The following SETBP1 variants were observed in gnomAD, a reference collection of about 807,000 sequenced individuals.
The protein encoded by SETBP1 is SET-binding protein.
SETBP1 carries 9 observed loss-of-function variants against 101.0 expected under a neutral mutation model. The observed-to-expected ratio is 0.09, with a 90% CI of 0.05 to 0.16. The LOEUF (loss-of-function observed/expected upper bound fraction) is 0.16. SETBP1 is among the 10% of genes least tolerant of loss of function. SETBP1 has a pLI of 1.00. For synonymous variants in SETBP1, 818 were observed against 788.5 expected, an observed-to-expected ratio of 1.04 and a Z score of -0.63; for missense variants, 1,858 against 2,033.8, an observed-to-expected ratio of 0.91 and a Z score of 1.66.
intron 5 of SETBP1, among the ~76,000 whole-genome samples, chr18:45,053,087 G>A (rs1198541954): frequency 6.6e-6 from 1 of 152,024 alleles, no homozygotes; most frequent in African/African-American, 2.4e-5. Flanking sequence ...GGAGTTAATT[G>A]AGCCTCCATT....
intron 5 of SETBP1, among the ~76,000 whole-genome samples, chr18:45,042,413 G>A (rs1436743640): frequency 6.6e-6 from 1 of 152,142 alleles, no homozygotes; most frequent in Non-Finnish European, 1.5e-5. Flanking sequence ...GCCTCCCAAA[G>A]TGCTAGGATT....
At chr18:44,858,662 CT>C (rs1179474133) in intron 2 of SETBP1, among the ~76,000 whole-genome samples, 2 of 152,070 alleles carry the variant, frequency 1.3e-5, no homozygotes, top group Non-Finnish European at 2.9e-5. Context: ...AGATAGTTGT[CT>C]TCCTTGAAGG....
intron 1 of SETBP1, among the ~76,000 whole-genome samples, chr18:44,681,699 C>G (rs922528818): frequency 2.6e-5 from 4 of 151,966 alleles, no homozygotes; most frequent in African/African-American, 9.7e-5. Flanking sequence ...TCTTATTGCC[C>G]CCTAATGCTG....
chr18:44,784,107 A>G (rs1246033180), intron 2 of SETBP1, among the ~76,000 whole-genome samples: 3 of 152,208 alleles, frequency 2.0e-5, no homozygotes, highest in Non-Finnish European at 4.4e-5. Flanking sequence ...TCTCTCTTGC[A>G]CTAAAAATTA....
chr18:44,852,503 C>G (rs1231094966), intron 2 of SETBP1, among the ~76,000 whole-genome samples: 1 of 152,172 alleles, frequency 6.6e-6, no homozygotes, highest in Non-Finnish European at 1.5e-5. Flanking sequence ...TTCCCCTCCT[C>G]TATGCCCCAT....
intron 4 of SETBP1, among the ~76,000 whole-genome samples, chr18:44,980,479 T>C (rs1253915499): frequency 6.6e-6 from 1 of 150,872 alleles, no homozygotes; most frequent in African/African-American, 2.5e-5. Flanking sequence ...CACATTCTTC[T>C]GCTTTAAAAA....
intron 3 of SETBP1, among the ~76,000 whole-genome samples, chr18:44,918,084 G>A (rs935027182): frequency 6.6e-6 from 1 of 152,118 alleles, no homozygotes; most frequent in Non-Finnish European, 1.5e-5. Context: ...AATCCTTCCC[G>A]GTGCTGCCGA....
chr18:44,754,426 A>G (rs2144552561), intron 2 of SETBP1, among the ~76,000 whole-genome samples: 1 of 152,298 alleles, frequency 6.6e-6, no homozygotes, highest in South Asian at 2.1e-4. Flanking sequence ...TGTGGAGATT[A>G]TTTCAAATTT....
intron 2 of SETBP1, among the ~76,000 whole-genome samples, chr18:44,704,187 C>T (rs368255948): frequency 1.2e-4 from 19 of 152,204 alleles, no homozygotes; most frequent in East Asian, 9.6e-4. Context: ...TCTGTACCAT[C>T]GGGATGATTT....
chr18:44,817,839 C>T (rs191668106), intron 2 of SETBP1, among the ~76,000 whole-genome samples: 1 of 152,292 alleles, frequency 6.6e-6, no homozygotes, highest in Admixed American at 6.5e-5. Flanking sequence ...ACCATGACTG[C>T]ACTTTCCAAA....
intron 3 of SETBP1, among the ~76,000 whole-genome samples, chr18:44,929,356 A>G (rs2070774092): frequency 6.6e-6 from 1 of 152,208 alleles, no homozygotes; most frequent in Non-Finnish European, 1.5e-5. Flanking sequence ...TATAGTTTGA[A>G]GTCAGGTAGT....
chr18:44,779,994 A>G (rs1349530097), intron 2 of SETBP1, among the ~76,000 whole-genome samples: 1 of 151,520 alleles, frequency 6.6e-6, no homozygotes, highest in Non-Finnish European at 1.5e-5. Context: ...ACTCACACAC[A>G]CTCTGCACTT....
intron 4 of SETBP1, among the ~76,000 whole-genome samples, chr18:45,026,917 G>A (rs2073176642): frequency 6.6e-6 from 1 of 152,166 alleles, no homozygotes; most frequent in Non-Finnish European, 1.5e-5. Flanking sequence ...GGTTCTGTGT[G>A]TATATATGTG....
intron 2 of SETBP1, among the ~76,000 whole-genome samples, chr18:44,767,412 T>C (rs983872756): frequency 1.3e-5 from 2 of 152,248 alleles, no homozygotes; most frequent in South Asian, 2.1e-4. Context: ...GACCAACTTA[T>C]TAGAAAACTA....
intron 2 of SETBP1, among the ~76,000 whole-genome samples, chr18:44,709,647 A>G (rs1568102138): frequency 6.6e-6 from 1 of 152,054 alleles, no homozygotes. Context: ...GACCATCCAT[A>G]GGAGCTTCCT....
chr18:44,951,461 C>T lies in SETBP1; in HGVS notation c.2121C>T (p.Ser707=). ...ETSPGAAAIE[S]KLGKQINVSK... ...GCCCTGGGGCAGCAGCCATTGAAAG[C>T]AAACTGGGCAAGCAGATTAATGTCA... The change falls in exon 4 of 6, where the codon AGC becomes AGT. Residue 707 remains serine, a synonymous_variant. Coordinates refer to ENST00000649279, the MANE Select transcript of SETBP1 (RefSeq NM_015559.3). This position sits in a 1 kb window ranked among gnomAD's most constrained non-coding sequence, Gnocchi z 7.8. 6.2e-7 allele frequency: 1 copy of T among 1,614,084 alleles called. No homozygotes were observed. Among genetic ancestry groups the T allele is most frequent in the Non-Finnish European group, 8.5e-7 (1 of 1,180,038 alleles).
intron 4 of SETBP1, among the ~76,000 whole-genome samples, chr18:45,016,925 G>T (rs373041299): frequency 6.6e-6 from 1 of 151,994 alleles, no homozygotes; most frequent in Admixed American, 6.6e-5. Context: ...GGACTCCTCC[G>T]TCTCCTTTCA....
At chr18:44,963,984 A>G (rs1375176995) in intron 4 of SETBP1, among the ~76,000 whole-genome samples, 1 of 93,546 alleles carries the variant, frequency 1.1e-5, no homozygotes, top group Non-Finnish European at 2.3e-5. Context: ...GATCCATGAA[A>G]AAAAAACAAA....
At chr18:44,823,937 T>C (rs2144400587) in intron 2 of SETBP1, among the ~76,000 whole-genome samples, 1 of 152,348 alleles carries the variant, frequency 6.6e-6, no homozygotes, top group South Asian at 2.1e-4. Flanking sequence ...GAATCCTTCA[T>C]GTATGAGCAC....
Sources: allele counts gnomAD v4.1 joint callset (sites outside exome capture counted in the v4.1 genomes callset), GRCh38; gene constraint gnomAD v4.1.1; non-coding constraint Gnocchi (gnomAD v3.1); transcripts MANE v1.5; gene names NCBI Gene and HGNC (gene_info 2026-07-23, HGNC 2026-07-21).